Variants in TTC7B observed in about 807,000 individuals in gnomAD.
The protein encoded by TTC7B is tetratricopeptide repeat protein 7B.
TTC7B carries 28 observed loss-of-function variants against 106.8 expected under a neutral mutation model. The ratio of observed to expected loss-of-function variants is 0.26; its 90% CI spans 0.19 to 0.36. The LOEUF is 0.36. Ranked by LOEUF, TTC7B falls within the 10% of genes least tolerant of loss-of-function variation. The probability of loss-of-function intolerance (pLI) is 1.00; values close to 1 mark genes in which losing one functional copy is unlikely to be tolerated. For missense variants in TTC7B, 862 were observed against 1,076.4 expected (o/e 0.80, Z 2.79); for synonymous variants, 405 against 430.6 (o/e 0.94, Z 0.74).
Position 90,624,890 on chromosome 14 carries a change from G to C in TTC7B, c.1752-6845C>G, listed in dbSNP as rs764026824. Among the ~76,000 whole-genome samples the C allele has an allele frequency of 9.9e-5, 15 of 152,194 alleles. No individual in the cohort carries two copies. Among genetic ancestry groups the C allele is most frequent in the Non-Finnish European group, 1.6e-4 (11 of 68,036 alleles). On this transcript the variant is annotated intron_variant, in intron 15 of 19. Coordinates refer to ENST00000328459, the MANE Select transcript of TTC7B (RefSeq NM_001010854.2). This position sits in a 1 kb window ranked among gnomAD's most constrained non-coding sequence, Gnocchi z 4.0. ...CCTGGGCTCTGCATGCCAGGGACCT[G>C]CTCTTTCTTTGTTTATCTACTGAAT...
At chr14:90,803,804 C>T (rs1289433685) in intron 1 of TTC7B, among the ~76,000 whole-genome samples, 13 of 106,456 alleles carry the variant, frequency 1.2e-4, no homozygotes, top group Middle Eastern at 5.3e-3. Flanking sequence ...GAGATGAGTA[C>T]GCTGGTCACA....
chr14:90,555,477 G>T (rs552526705), intron 19 of TTC7B, among the ~76,000 whole-genome samples: 1 of 152,190 alleles, frequency 6.6e-6, no homozygotes, highest in Non-Finnish European at 1.5e-5. Context: ...TCGCGTGCAC[G>T]CTGAGGGGTG....
chr14:90,666,243 C>A (rs1886404359), intron 9 of TTC7B, among the ~76,000 whole-genome samples: 1 of 152,192 alleles, frequency 6.6e-6, no homozygotes, highest in South Asian at 2.1e-4. Flanking sequence ...CTCACTGCAA[C>A]CTCCACCTCC....
At chr14:90,691,800 T>G (rs1459240773) in intron 6 of TTC7B, among the ~76,000 whole-genome samples, 1 of 152,244 alleles carries the variant, frequency 6.6e-6, no homozygotes, top group Non-Finnish European at 1.5e-5. Context: ...CCATTAGCAC[T>G]ATCTAGTTCC....
chr14:90,586,334 G>T (rs1288104872), intron 18 of TTC7B, among the ~76,000 whole-genome samples: 2 of 152,074 alleles, frequency 1.3e-5, no homozygotes, highest in African/African-American at 4.8e-5. Context: ...GCAGTGGTGC[G>T]ATCTCGGCTC....
intron 5 of TTC7B, among the ~76,000 whole-genome samples, chr14:90,726,788 T>C (rs1889119551): frequency 6.6e-6 from 1 of 152,214 alleles, no homozygotes; most frequent in South Asian, 2.1e-4. Context: ...GAGGCTACTG[T>C]TCTGCTTTCA....
At chr14:90,611,155 C>T (rs891151261) in intron 16 of TTC7B, among the ~76,000 whole-genome samples, 71 of 152,138 alleles carry the variant, frequency 4.7e-4, no homozygotes, top group African/African-American at 1.7e-3. Context: ...CAGGGGGAAA[C>T]CGACTGGCAT....
At chr14:90,603,208 T>C (rs1198127685) in intron 17 of TTC7B, 15 of 1,219,226 alleles carry the variant, frequency 1.2e-5, no homozygotes, top group Non-Finnish European at 1.6e-5. Flanking sequence ...GGGAGTGTGA[T>C]TCTGGAGGCC....
Position 90,577,979 on chromosome 14 carries a change from A to T in TTC7B, c.2310+127T>A. On this transcript the variant is annotated intron_variant, in intron 19 of 19. Transcript: ENST00000328459. The surrounding 1 kb of genome is among the most constrained non-coding windows in gnomAD (Gnocchi z 5.0). ...GCCCTCTGGCTTCAGGCCATGTGAC[A>T]GCCTGGCAAGCTAACTGCATGGGGC... is the stretch of plus-strand genomic sequence containing the variant. 1.7e-6 allele frequency: 2 copies of T among 1,189,444 alleles called. No homozygotes were observed. The highest frequency in any genetic ancestry group is 2.4e-6 in the Non-Finnish European group (2 of 848,632). The allele number at this position is 1,189,444 out of a possible 1,614,324, so 73.7% of individuals were successfully genotyped here.
chr14:90,730,770 A>G (rs1177176090), intron 4 of TTC7B, among the ~76,000 whole-genome samples: 1 of 152,198 alleles, frequency 6.6e-6, no homozygotes, highest in Non-Finnish European at 1.5e-5. Context: ...GCAGTCCTCT[A>G]TTCTCAAAGG....
intron 16 of TTC7B, among the ~76,000 whole-genome samples, chr14:90,616,831 A>G (rs568611958): frequency 9.9e-5 from 15 of 152,182 alleles, no homozygotes; most frequent in African/African-American, 3.6e-4. Flanking sequence ...CTTCGTACTC[A>G]TTTATATTTT....
chr14:90,747,489 C>T (rs920725859), intron 3 of TTC7B, among the ~76,000 whole-genome samples: 2 of 152,218 alleles, frequency 1.3e-5, no homozygotes, highest in African/African-American at 4.8e-5. Flanking sequence ...GGACCTCTGA[C>T]ACAGTCCAGA....
chr14:90,723,795 C>A (rs117624626), intron 5 of TTC7B, among the ~76,000 whole-genome samples: 1 of 152,302 alleles, frequency 6.6e-6, no homozygotes, highest in Non-Finnish European at 1.5e-5. Flanking sequence ...TATTATCTGT[C>A]TCCCTCACTA....
chr14:90,728,505 A>T (rs1354766811), intron 5 of TTC7B, among the ~76,000 whole-genome samples: 5 of 152,102 alleles, frequency 3.3e-5, no homozygotes, highest in Non-Finnish European at 7.3e-5. Context: ...AACTCGAATA[A>T]AGTAAAATAA....
chr14:90,629,242 C>T (rs375536142), intron 15 of TTC7B, among the ~76,000 whole-genome samples: 1 of 151,066 alleles, frequency 6.6e-6, no homozygotes, highest in African/African-American at 2.4e-5. Flanking sequence ...TCTCAGGTTC[C>T]TTTTTTTTTC....
At chr14:90,616,644 G>A (rs1893090662) in intron 16 of TTC7B, among the ~76,000 whole-genome samples, 1 of 152,174 alleles carries the variant, frequency 6.6e-6, no homozygotes, top group Non-Finnish European at 1.5e-5. Context: ...CTGTCTATCA[G>A]TTTCCAGGGG....
At chr14:90,619,048 C>T (rs1407752046) in intron 15 of TTC7B, among the ~76,000 whole-genome samples, 1 of 152,192 alleles carries the variant, frequency 6.6e-6, no homozygotes, top group African/African-American at 2.4e-5. Flanking sequence ...GGATTACAGG[C>T]ATCCGCCACC....
intron 3 of TTC7B, among the ~76,000 whole-genome samples, chr14:90,762,904 C>T (rs1269495670): frequency 6.6e-6 from 1 of 152,172 alleles, no homozygotes; most frequent in Non-Finnish European, 1.5e-5. Flanking sequence ...ATTGAATTAG[C>T]AATCAAACAA....
At chr14:90,573,299 C>T (rs764753948) in intron 19 of TTC7B, among the ~76,000 whole-genome samples, 27 of 152,192 alleles carry the variant, frequency 1.8e-4, no homozygotes, top group South Asian at 4.1e-4. Context: ...AGGGTGGGGG[C>T]TCCATCTCAC....
Sources: allele counts gnomAD v4.1 joint callset (sites outside exome capture counted in the v4.1 genomes callset), GRCh38; gene constraint gnomAD v4.1.1; non-coding constraint Gnocchi (gnomAD v3.1); transcripts MANE v1.5; gene names NCBI Gene and HGNC (gene_info 2026-07-23, HGNC 2026-07-21).